SRPK2: variants seen among roughly 807,000 people sequenced by gnomAD.
SRPK2 encodes the protein SRSF protein kinase 2, also known as SFRS protein kinase 2.
SRPK2 carries 21 observed loss-of-function variants against 90.8 expected under a neutral mutation model. The observed-to-expected ratio is 0.23, with a 90% CI of 0.16 to 0.33. The LOEUF is 0.33. Ranked by LOEUF, SRPK2 falls within the 10% of genes least tolerant of loss-of-function variation. The pLI is 1.00. For synonymous variants in SRPK2, 288 were observed against 311.1 expected (o/e 0.93, Z 0.78); for missense variants, 620 against 869.0 (o/e 0.71, Z 3.60).
intron 2 of SRPK2, among the ~76,000 whole-genome samples, chr7:105,287,268 AAAAAAAAAAAAAAAAAGAAG>A (rs1226560885): frequency 1.6e-5 from 2 of 127,500 alleles, no homozygotes; most frequent in African/African-American, 2.9e-5. Context: ...CTAAAAAAAA[AAAAAAAAAAAAAAAAAGAAG>A]AAAAGGATGC....
Position 105,148,809 on chromosome 7 carries a change from G to A in SRPK2, c.622-2151C>T, listed in dbSNP as rs188584418. On this transcript the variant is annotated intron_variant, in intron 7 of 15. Coordinates refer to ENST00000393651, the MANE Select transcript of SRPK2 (RefSeq NM_182692.3). ...TCCAGCCACTTTGACCCAACCTGGA[G>A]CTCACAAAAACATGTGTTATATGAA... Among the ~76,000 whole-genome samples, 55 of 152,346 alleles carry A rather than the reference G, an allele frequency of 3.6e-4. No homozygotes were observed. In the East Asian group the frequency reaches 5.4e-3, roughly 15 times the overall value.
At chr7:105,233,569 C>T (rs914262974) in intron 2 of SRPK2, among the ~76,000 whole-genome samples, 4 of 152,080 alleles carry the variant, frequency 2.6e-5, no homozygotes, top group Non-Finnish European at 4.4e-5. Flanking sequence ...AAATAAAATA[C>T]GGGCTGGGCG....
At chr7:105,145,003 G>A (rs1017451263) in intron 9 of SRPK2, among the ~76,000 whole-genome samples, 20 of 151,762 alleles carry the variant, frequency 1.3e-4, no homozygotes, top group Middle Eastern at 3.2e-3. Flanking sequence ...CTACTCGGGA[G>A]GCTGAGGCAC....
chr7:105,375,983 C>CT (rs34445430), intron 2 of SRPK2, among the ~76,000 whole-genome samples: 4,273 of 63,128 alleles, frequency 0.068, 1,328 homozygotes, highest in African/African-American at 0.15. Context: ...GAATTCATTT[C>CT]TTTTTTTTTT....
At chr7:105,167,562 A>C (rs1790235503) in intron 5 of SRPK2, 98 bp from the exon 6 acceptor site, 1 of 621,594 alleles carries the variant, frequency 1.6e-6, no homozygotes, top group African/African-American at 1.9e-5. Context: ...GTATATTTTA[A>C]AATAAAAAAT....
chr7:105,208,611 A>G (rs1796484812), intron 2 of SRPK2, among the ~76,000 whole-genome samples: 1 of 152,178 alleles, frequency 6.6e-6, no homozygotes, highest in South Asian at 2.1e-4. Flanking sequence ...GGGGTAAATC[A>G]GTGGATGCTC....
chr7:105,339,106 T>A (rs180773759), intron 2 of SRPK2, among the ~76,000 whole-genome samples: 1 of 152,218 alleles, frequency 6.6e-6, no homozygotes. Context: ...AGGACAGATA[T>A]TCAAGTACGC....
At chr7:105,177,797 C>A (rs370160958) in intron 3 of SRPK2, among the ~76,000 whole-genome samples, 2 of 152,066 alleles carry the variant, frequency 1.3e-5, no homozygotes, top group Admixed American at 6.5e-5. Flanking sequence ...CCGAGACGGG[C>A]GGATCACAAG....
chr7:105,327,025 T>C (rs1179921173), intron 2 of SRPK2, among the ~76,000 whole-genome samples: 5 of 146,068 alleles, frequency 3.4e-5, no homozygotes, highest in Admixed American at 7.1e-5. Context: ...ATCGTGCCAC[T>C]GCACTCCAAC....
intron 2 of SRPK2, among the ~76,000 whole-genome samples, chr7:105,320,258 C>A (rs998505277): frequency 8.5e-5 from 13 of 152,122 alleles, no homozygotes; most frequent in African/African-American, 3.1e-4. Flanking sequence ...CAAGAATAAA[C>A]CTTGGAAGAT....
intron 11 of SRPK2, 130 bp from the exon 12 acceptor site, chr7:105,133,234 T>A: frequency 1.2e-6 from 1 of 818,168 alleles, no homozygotes; most frequent in Non-Finnish European, 2.0e-6. Flanking sequence ...TGGAATACTG[T>A]AAATTAAACT....
intron 13 of SRPK2, among the ~76,000 whole-genome samples, chr7:105,129,171 T>C (rs1374077199): frequency 6.6e-6 from 1 of 152,100 alleles, no homozygotes; most frequent in Non-Finnish European, 1.5e-5. Context: ...CCTGACCTCG[T>C]GACCCGCCTG....
intron 2 of SRPK2, among the ~76,000 whole-genome samples, chr7:105,277,329 G>A (rs993104114): frequency 4.6e-5 from 7 of 152,194 alleles, no homozygotes; most frequent in Admixed American, 2.0e-4. Flanking sequence ...ACCCAGCTCA[G>A]CCTCCCAAAG....
chr7:105,129,502 G>C (rs1444367645), intron 13 of SRPK2, among the ~76,000 whole-genome samples: 1 of 152,092 alleles, frequency 6.6e-6, no homozygotes, highest in Non-Finnish European at 1.5e-5. Context: ...AGCCACCTGA[G>C]TAGCTAGGAC....
chr7:105,144,685 G>A (rs1804300860), intron 9 of SRPK2, among the ~76,000 whole-genome samples: 2 of 152,126 alleles, frequency 1.3e-5, no homozygotes, highest in East Asian at 3.8e-4. Flanking sequence ...AAGTGGTTTT[G>A]AAATAAAAAT....
chr7:105,307,443 G>A (rs945573648), intron 2 of SRPK2, among the ~76,000 whole-genome samples: 5 of 152,202 alleles, frequency 3.3e-5, no homozygotes, highest in Non-Finnish European at 7.3e-5. Context: ...CAGAATCACT[G>A]ACCAGCAGGA....
At chr7:105,276,389 G>C (rs1421551174) in intron 2 of SRPK2, among the ~76,000 whole-genome samples, 1 of 151,926 alleles carries the variant, frequency 6.6e-6, no homozygotes, top group Non-Finnish European at 1.5e-5. Context: ...CCATAAGGAA[G>C]ATTTTTAAAA....
At chr7:105,130,146 T>C (rs929221931) in intron 13 of SRPK2, among the ~76,000 whole-genome samples, 7 of 152,230 alleles carry the variant, frequency 4.6e-5, no homozygotes, top group Non-Finnish European at 2.9e-5. Context: ...CATTCTGTTG[T>C]GCTTCTCCAG....
intron 2 of SRPK2, among the ~76,000 whole-genome samples, chr7:105,358,785 G>T (rs1301059446): frequency 6.6e-6 from 1 of 152,078 alleles, no homozygotes; most frequent in African/African-American, 2.4e-5. Context: ...TCTAAGCCTG[G>T]GTAATTTATT....
Sources: gnomAD v4.1 joint callset for allele counts (sites outside exome capture counted in the v4.1 genomes callset) on GRCh38, gnomAD v4.1.1 for gene constraint, MANE v1.5 for transcripts, NCBI Gene and HGNC (gene_info 2026-07-23, HGNC 2026-07-21) for gene names.